Variants in NELFA observed in about 807,000 individuals in gnomAD.
NELFA encodes negative elongation factor A.
A neutral mutation model predicts 51.8 loss-of-function variants in NELFA; 35 were observed. That is an observed-to-expected ratio of 0.68 (90% CI 0.52 to 0.90). The LOEUF is 0.90. Ranked by LOEUF, NELFA falls within the 40% of genes least tolerant of loss-of-function variation. The pLI, the probability that NELFA is intolerant of heterozygous loss-of-function variation, is 0.00. For missense variants in NELFA, 658 were observed against 746.4 expected (o/e 0.88, Z 1.38); for synonymous variants, 417 against 338.4 (o/e 1.23, Z -2.55).
chr4:2,005,393 AT>A (rs1359866997), intron 1 of NELFA, among the ~76,000 whole-genome samples: 1 of 152,092 alleles, frequency 6.6e-6, no homozygotes, highest in African/African-American at 2.4e-5. Flanking sequence ...GAAAAAAAAA[AT>A]TTTGCAACTA....
In NELFA at chr4:1,989,800, G is replaced by A. The variant is rs1728218911; in HGVS notation, c.452C>T (p.Thr151Ile). ...CQYLNKNALT[T>I]LAGPLTPPVK... ...CGGGGGAGTGAGGGGTCCCGCGAGG[G>A]TCGTCAGGGCGTTTTTGTTCAAGTA... Residue 151 changes from threonine to isoleucine, a missense_variant, in exon 3 of 11, where the codon ACC becomes ATC. Physicochemically the swap from Thr to Ile is moderately conservative, Grantham distance 89. Around this residue, in one of 3 missense-constraint regions of NELFA, gnomAD observed 371 missense variants for 448.3 expected, o/e 0.83. Coordinates refer to ENST00000382882, the MANE Select transcript of NELFA (RefSeq NM_005663.5). The surrounding 1 kb of genome is among the most constrained non-coding windows in gnomAD (Gnocchi z 4.8). The A allele has an allele frequency of 5.6e-6, 9 of 1,614,184 alleles. No individual in the cohort carries two copies. Among genetic ancestry groups the A allele is most frequent in the Non-Finnish European group, 5.1e-6 (6 of 1,180,038 alleles).
intron 1 of NELFA, among the ~76,000 whole-genome samples, chr4:1,996,019 T>G (rs1378001198): frequency 6.6e-6 from 1 of 152,144 alleles, no homozygotes; most frequent in Non-Finnish European, 1.5e-5. Context: ...AGAATAGATT[T>G]GTACAACATG....
In NELFA at chr4:1,991,736, G is replaced by T. The variant is rs202110344; in HGVS notation, c.211-21C>A. 753 of 1,569,406 alleles carry T rather than the reference G, an allele frequency of 4.8e-4. 3 individuals are homozygous for T. The African/African-American group carries it at 9.2e-3, about 19-fold the overall frequency. On this transcript the variant is annotated intron_variant, in intron 1 of 10. Coordinates refer to ENST00000382882, the MANE Select transcript of NELFA (RefSeq NM_005663.5). ...TTCATCTGCAAAATAGGATGCTGCCGGCGCCACCATGCCCCTGCCCACTTC... is the reference window on the plus strand; with the variant it reads ...TTCATCTGCAAAATAGGATGCTGCCTGCGCCACCATGCCCCTGCCCACTTC...
At chr4:1,986,063 A>G in intron 6 of NELFA, 51 bp downstream of exon 6, 1 of 1,533,104 alleles carries the variant, frequency 6.5e-7, no homozygotes, top group Non-Finnish European at 8.8e-7. Flanking sequence ...CCAACTGGGC[A>G]GGGCCCGCAG....
At chr4:2,001,667 C>T (rs1027666470) in intron 1 of NELFA, among the ~76,000 whole-genome samples, 3 of 152,246 alleles carry the variant, frequency 2.0e-5, no homozygotes, top group African/African-American at 7.2e-5. Flanking sequence ...CTTTGGGAGG[C>T]TGAGGCAGGC....
intron 2 of NELFA, among the ~76,000 whole-genome samples, 153 bp downstream of exon 2, chr4:1,991,391 C>T (rs567627259): frequency 1.3e-5 from 2 of 152,074 alleles, no homozygotes; most frequent in South Asian, 2.1e-4. Context: ...CAGCAGCTTA[C>T]GGGGGAGGAT....
chr4:1,997,120 CAAAA>C lies in NELFA; in HGVS notation c.211-5409_211-5406del, dbSNP rs576462513. 7.3e-5 allele frequency among the ~76,000 whole-genome samples: 11 copies of C among 151,302 alleles called. No homozygotes were observed. The East Asian group carries it at 1.7e-3, about 24-fold the overall frequency. On this transcript the variant is annotated intron_variant, in intron 1 of 10. Coordinates refer to ENST00000382882, the MANE Select transcript of NELFA (RefSeq NM_005663.5). ...CAGTGACACTATGCATTAAAACAAA[CAAAA>C]AAAACAAAACCCATAAAAACAAAAA...
intron 1 of NELFA, among the ~76,000 whole-genome samples, chr4:2,005,787 T>G (rs1415940447): frequency 1.3e-5 from 2 of 152,010 alleles, no homozygotes; most frequent in Non-Finnish European, 2.9e-5. Context: ...CAGATACCAT[T>G]TACAACGGCA....
chr4:1,983,898 G>A lies in NELFA; in HGVS notation c.1252C>T (p.Gln418Ter). The change falls in exon 9 of 11, where the codon CAG becomes TAG. Residue 418 changes from glutamine (Q) to a stop codon, truncating the protein, a stop_gained. Coordinates refer to ENST00000382882, the MANE Select transcript of NELFA (RefSeq NM_005663.5). LOFTEE classifies it high-confidence loss of function. ...TGCTGCTGAGCAGGGGCCTGGGTCT[G>A]CGGGGCCACCATGGCAACCGGGGGT... ...QTPPVAMVAP[Q>*]TQAPAQQQPK... 6.2e-7 allele frequency: 1 copy of A among 1,600,864 alleles called. No individual in the cohort carries two copies. Among genetic ancestry groups the A allele is most frequent in the Non-Finnish European group, 8.5e-7 (1 of 1,173,136 alleles).
chr4:2,000,839 C>G (rs995471734), intron 1 of NELFA, among the ~76,000 whole-genome samples: 13 of 152,052 alleles, frequency 8.5e-5, no homozygotes, highest in African/African-American at 3.1e-4. Context: ...GAAGAGACAA[C>G]AAAAAAGAAA....
At chr4:1,988,655 G>T (rs557927305) in intron 3 of NELFA, among the ~76,000 whole-genome samples, 58 of 152,352 alleles carry the variant, frequency 3.8e-4, no homozygotes, top group Non-Finnish European at 6.2e-4. Context: ...TCTGGAAACG[G>T]GGTATTGATG....
chr4:1,985,894 G>A (rs1259342630), intron 6 of NELFA, 30 bp from the exon 7 acceptor site: 1 of 1,571,442 alleles, frequency 6.4e-7, no homozygotes, highest in South Asian at 1.1e-5. Flanking sequence ...CCTCGCCAGT[G>A]CCCGGGCGCG....
At position 1,984,732 on chromosome 4, in the gene NELFA, C is replaced by T. The variant is rs184914141; in HGVS notation, c.1036+76G>A. ...GAGATGCAGGAGTGAGAACCGCAGCCCTGGCAGCGCCCGTGGGCAAGGTCA... is the reference window on the plus strand; with the variant it reads ...GAGATGCAGGAGTGAGAACCGCAGCTCTGGCAGCGCCCGTGGGCAAGGTCA... On this transcript the variant is annotated intron_variant, in intron 8 of 10. Coordinates refer to ENST00000382882, the MANE Select transcript of NELFA (RefSeq NM_005663.5). The T allele has an allele frequency of 6.5e-4, 695 of 1,068,690 alleles. 2 individuals are homozygous for T. The highest frequency in any genetic ancestry group is 5.8e-3 in the East Asian group (220 of 37,862). 66.2% of individuals were successfully genotyped at this position (1,068,690 alleles called of 1,614,324 possible).
intron 2 of NELFA, chr4:1,990,429 G>A: frequency 4.4e-6 from 2 of 456,754 alleles, no homozygotes; most frequent in Non-Finnish European, 8.8e-6. Flanking sequence ...TGGAGAAAAA[G>A]CACAGGCAGG....
chr4:1,988,962 T>TTTTTA (rs1553884024), intron 3 of NELFA, among the ~76,000 whole-genome samples: 4 of 151,130 alleles, frequency 2.6e-5, no homozygotes, highest in Non-Finnish European at 3.0e-5. Context: ...TTTTTTTTTT[T>TTTTTA]GAGATGTTGT....
intron 4 of NELFA, 121 bp downstream of exon 4, chr4:1,987,797 C>G: frequency 2.3e-6 from 2 of 852,224 alleles, no homozygotes; most frequent in East Asian, 2.9e-5. Context: ...CACGGGCTCC[C>G]AACACTGCTG....
At chr4:1,986,022 C>T in intron 6 of NELFA, 92 bp downstream of exon 6, 1 of 1,443,680 alleles carries the variant, frequency 6.9e-7, no homozygotes, top group Non-Finnish European at 9.4e-7. Flanking sequence ...CGGGGCACAG[C>T]CCTGCCCGCC....
chr4:1,999,786 C>T (rs1434223194), intron 1 of NELFA, among the ~76,000 whole-genome samples: 1 of 152,188 alleles, frequency 6.6e-6, no homozygotes, highest in East Asian at 1.9e-4. Flanking sequence ...ATCAAGTGGA[C>T]CTAGTAGACA....
chr4:1,983,728 C>G (rs758975309), intron 9 of NELFA, 33 bp from the exon 10 acceptor site: 1 of 1,610,500 alleles, frequency 6.2e-7, no homozygotes, highest in East Asian at 2.2e-5. Context: ...GGTGCCAGGG[C>G]CCCGCCAGGA....
Sources: gnomAD v4.1 joint callset for allele counts (sites outside exome capture counted in the v4.1 genomes callset) on GRCh38, gnomAD v4.1.1 for gene constraint, gnomAD v4.1.1 regional missense constraint, Gnocchi (gnomAD v3.1) non-coding constraint, MANE v1.5 for transcripts, NCBI Gene and HGNC (gene_info 2026-07-23, HGNC 2026-07-21) for gene names.